The following NFATC2 variants were observed in gnomAD, a reference collection of about 807,000 sequenced individuals.
NFATC2 encodes the protein nuclear factor of activated T-cells, cytoplasmic 2.
NFATC2 carries 22 observed loss-of-function variants against 87.3 expected under a neutral mutation model. The observed-to-expected ratio is 0.25, with a 90% CI of 0.18 to 0.36. The LOEUF (loss-of-function observed/expected upper bound fraction) is 0.36. Ranked by LOEUF, NFATC2 falls within the 10% of genes least tolerant of loss-of-function variation. NFATC2 has a pLI of 1.00. For missense variants in NFATC2, 1,149 were observed against 1,259.1 expected, an observed-to-expected ratio of 0.91 and a Z score of 1.32; for synonymous variants, 565 against 542.2, an observed-to-expected ratio of 1.04 and a Z score of -0.58.
At chr20:51,528,003 C>G (rs939133470) in intron 1 of NFATC2, among the ~76,000 whole-genome samples, 2 of 149,776 alleles carry the variant, frequency 1.3e-5, no homozygotes, top group Non-Finnish European at 2.9e-5. Flanking sequence ...ACTGGAGAAG[C>G]TGAGGTGGGA....
At position 51,540,101 on chromosome 20, in the gene NFATC2, C is replaced by A. The variant is rs1424768831; in HGVS notation, c.130+2269G>T. ...GCCACCTGCCTCACTGCAACTTCTG[C>A]CTACTGGGTTCAAGCAATTCTCCTG... is the stretch of plus-strand genomic sequence containing the variant. On this transcript the variant is annotated intron_variant, in intron 1 of 10. Transcript: ENST00000371564. Among the ~76,000 whole-genome samples, 3 of 152,176 alleles carry A rather than the reference C, an allele frequency of 2.0e-5. No individual in the cohort carries two copies. In the East Asian group the frequency reaches 5.8e-4, roughly 29 times the overall value.
intron 1 of NFATC2, among the ~76,000 whole-genome samples, chr20:51,551,538 G>C (rs913087236): frequency 7.9e-5 from 12 of 151,576 alleles, no homozygotes; most frequent in African/African-American, 2.7e-4. Flanking sequence ...TAGTAGCTGG[G>C]GCTACAGGCT....
At chr20:51,395,740 AG>A (rs1251900510) in intron 10 of NFATC2, among the ~76,000 whole-genome samples, 11 of 150,982 alleles carry the variant, frequency 7.3e-5, no homozygotes, top group Admixed American at 2.0e-4. Context: ...TATATGACAA[AG>A]TCATTTATAT....
intron 9 of NFATC2, among the ~76,000 whole-genome samples, chr20:51,401,922 A>G (rs2146243195): frequency 6.6e-6 from 1 of 152,314 alleles, no homozygotes; most frequent in South Asian, 2.1e-4. Context: ...ATATACAACT[A>G]GCTTCCCAGA....
At chr20:51,396,626 T>C (rs2146215290) in intron 10 of NFATC2, among the ~76,000 whole-genome samples, 1 of 152,196 alleles carries the variant, frequency 6.6e-6, no homozygotes, top group Admixed American at 6.5e-5. Context: ...CAAGCTTGGA[T>C]GGGAATCAAG....
chr20:51,530,650 G>GATTC (rs2076618326), intron 1 of NFATC2, among the ~76,000 whole-genome samples: 1 of 152,158 alleles, frequency 6.6e-6, no homozygotes, highest in Non-Finnish European at 1.5e-5. Flanking sequence ...AGGGATGGGG[G>GATTC]ATTCAGAGGT....
intron 6 of NFATC2, among the ~76,000 whole-genome samples, chr20:51,449,624 G>A (rs999129109): frequency 7.2e-5 from 11 of 152,176 alleles, no homozygotes; most frequent in Admixed American, 1.3e-4. Flanking sequence ...GGGTCTTCAC[G>A]CAAAATTAAC....
chr20:51,492,193 C>G (rs1446712125), intron 3 of NFATC2, among the ~76,000 whole-genome samples: 5 of 152,074 alleles, frequency 3.3e-5, no homozygotes, highest in Admixed American at 3.3e-4. Flanking sequence ...TCACACACAT[C>G]TTCCTGTCTA....
intron 9 of NFATC2, among the ~76,000 whole-genome samples, chr20:51,427,736 C>T (rs955511859): frequency 7.2e-5 from 11 of 152,154 alleles, no homozygotes; most frequent in Non-Finnish European, 1.5e-4. Flanking sequence ...CCCAGGTCTG[C>T]GTCCATCCCC....
intron 6 of NFATC2, among the ~76,000 whole-genome samples, chr20:51,451,797 T>C (rs1289459553): frequency 6.6e-6 from 1 of 152,012 alleles, no homozygotes; most frequent in African/African-American, 2.4e-5. Flanking sequence ...CTTAGGAGAG[T>C]CTAATGCCTG....
At position 51,432,449 on chromosome 20, in the gene NFATC2, A is replaced by G; in HGVS notation, c.2340T>C (p.Ala780=). 6.4e-7 allele frequency: 1 copy of G among 1,569,784 alleles called. No individual in the cohort carries two copies. The highest frequency in any genetic ancestry group is 8.6e-7 in the Non-Finnish European group (1 of 1,156,230). The change falls in exon 9 of 11, where the codon GCT becomes GCC. Residue 780 remains alanine (A), a synonymous_variant. Coordinates refer to ENST00000371564, the MANE Select transcript of NFATC2 (RefSeq NM_012340.5). This position sits in a 1 kb window ranked among gnomAD's most constrained non-coding sequence, Gnocchi z 4.6. ...LMAAPLSLAD[A]HRSVLVHAGS... ...CGGCGTGCACCAGCACAGAGCGGTG[A>G]GCGTCCGCAAGGGACAGCGGGGCGG...
chr20:51,392,541 G>A (rs1258649974), intron 10 of NFATC2, among the ~76,000 whole-genome samples: 2 of 152,034 alleles, frequency 1.3e-5, no homozygotes, highest in Non-Finnish European at 2.9e-5. Flanking sequence ...CCATCCATGA[G>A]GCATGCTCCC....
chr20:51,449,944 G>C (rs557397552), intron 6 of NFATC2, among the ~76,000 whole-genome samples: 13 of 152,066 alleles, frequency 8.5e-5, no homozygotes, highest in Non-Finnish European at 1.6e-4. Context: ...ACTTACTACT[G>C]TTTTTTAATG....
At chr20:51,521,318 T>C (rs879674479) in intron 2 of NFATC2, among the ~76,000 whole-genome samples, 1 of 151,310 alleles carries the variant, frequency 6.6e-6, no homozygotes, top group African/African-American at 2.4e-5. Context: ...GGTACTCAAT[T>C]TTTATTTTTA....
intron 5 of NFATC2, among the ~76,000 whole-genome samples, chr20:51,473,059 G>A (rs1035072955): frequency 3.9e-5 from 6 of 152,328 alleles, no homozygotes; most frequent in Middle Eastern, 3.4e-3. Context: ...TATAAAGTAC[G>A]TAAGAATGAG....
intron 1 of NFATC2, among the ~76,000 whole-genome samples, chr20:51,549,764 T>C (rs2076917735): frequency 6.6e-6 from 1 of 152,238 alleles, no homozygotes; most frequent in African/African-American, 2.4e-5. Flanking sequence ...ACCAAGCTAA[T>C]CTGAGTAGCA....
chr20:51,555,943 A>G (rs947319421), intron 1 of NFATC2, among the ~76,000 whole-genome samples: 3 of 152,236 alleles, frequency 2.0e-5, no homozygotes, highest in East Asian at 1.9e-4. Context: ...GATCCTATGA[A>G]TGGGACCTTA....
chr20:51,463,109 G>C (rs1048853611), intron 5 of NFATC2, among the ~76,000 whole-genome samples: 8 of 152,230 alleles, frequency 5.3e-5, no homozygotes, highest in African/African-American at 1.9e-4. Flanking sequence ...GCTGGGCCTG[G>C]CTTGGCCCAG....
chr20:51,429,486 G>A (rs1040796298), intron 9 of NFATC2, among the ~76,000 whole-genome samples: 4 of 152,210 alleles, frequency 2.6e-5, no homozygotes, highest in African/African-American at 4.8e-5. Context: ...GCAGTGCTGC[G>A]CTTCAGAGCT....
Sources: allele counts gnomAD v4.1 joint callset (sites outside exome capture counted in the v4.1 genomes callset), GRCh38; gene constraint gnomAD v4.1.1; non-coding constraint Gnocchi (gnomAD v3.1); transcripts MANE v1.5; gene names NCBI Gene and HGNC (gene_info 2026-07-23, HGNC 2026-07-21).